The following EMID1 variants were observed in gnomAD, a reference collection of about 807,000 sequenced individuals.
EMID1 encodes EMI domain containing 1.
A neutral mutation model predicts 60.6 loss-of-function variants in EMID1; 40 were observed. That is an observed-to-expected ratio of 0.66 (90% CI 0.51 to 0.86). The LOEUF is 0.86. Among genes scored for constraint, EMID1 ranks in the 40% least tolerant of loss-of-function variants. The pLI, the probability that EMID1 is intolerant of heterozygous loss-of-function variation, is 0.00. For missense variants in EMID1, 585 were observed against 597.1 expected (o/e 0.98, Z 0.21); for synonymous variants, 242 against 231.0 (o/e 1.05, Z -0.43).
chr22:29,219,264 G>A lies in EMID1; in HGVS notation c.319+3634G>A, dbSNP rs1045012007. ...GATGCTGTGAGGCTGGCAGAAGCCAGTCTCAGCCCCAGCTCCTCCTAGATA... is the reference window on the plus strand; with the variant it reads ...GATGCTGTGAGGCTGGCAGAAGCCAATCTCAGCCCCAGCTCCTCCTAGATA... On this transcript the variant is annotated intron_variant, in intron 3 of 14. Coordinates refer to ENST00000334018, the MANE Select transcript of EMID1 (RefSeq NM_133455.4). Among the ~76,000 whole-genome samples the A allele has an allele frequency of 2.2e-4, 33 of 152,270 alleles. 1 individual carries two copies. The highest frequency in any genetic ancestry group is 7.5e-4 in the African/African-American group (31 of 41,544).
chr22:29,243,978 G>T (rs2041238189), intron 13 of EMID1, among the ~76,000 whole-genome samples: 2 of 152,188 alleles, frequency 1.3e-5, no homozygotes, highest in African/African-American at 4.8e-5. Context: ...GAGCCACGTG[G>T]TAAAAAGGAC....
At chr22:29,248,181 A>G (rs2041395805) in intron 13 of EMID1, among the ~76,000 whole-genome samples, 1 of 149,606 alleles carries the variant, frequency 6.7e-6, no homozygotes, top group African/African-American at 2.5e-5. Flanking sequence ...CTGGTCTCAA[A>G]CTCCTGACTT....
intron 1 of EMID1, among the ~76,000 whole-genome samples, chr22:29,214,196 G>C (rs1354992946): frequency 1.3e-5 from 2 of 152,214 alleles, no homozygotes; most frequent in African/African-American, 4.8e-5. Flanking sequence ...CCTCTTGCAT[G>C]CTGGCGGAGG....
At chr22:29,215,730 T>G in intron 3 of EMID1, 100 bp downstream of exon 3, 2 of 907,048 alleles carry the variant, frequency 2.2e-6, no homozygotes, top group South Asian at 1.5e-5. Context: ...TCATGCACAG[T>G]ACCATGCCTG....
intron 3 of EMID1, chr22:29,216,520 G>T: frequency 6.1e-6 from 6 of 985,466 alleles, no homozygotes; most frequent in Non-Finnish European, 7.2e-6. Flanking sequence ...CCCCACAGCA[G>T]CACATGAACG....
chr22:29,228,524 A>G (rs2040612386), intron 5 of EMID1, among the ~76,000 whole-genome samples: 1 of 152,134 alleles, frequency 6.6e-6, no homozygotes, highest in South Asian at 2.1e-4. Flanking sequence ...ACATGCATAC[A>G]CTTTAGTGCC....
At chr22:29,257,772 A>T (rs1201678067) in intron 14 of EMID1, among the ~76,000 whole-genome samples, 1 of 152,254 alleles carries the variant, frequency 6.6e-6, no homozygotes, top group African/African-American at 2.4e-5. Context: ...CCCACGTTCC[A>T]GATGACGCTC....
intron 14 of EMID1, chr22:29,255,188 C>T (rs987317917): frequency 9.4e-6 from 3 of 320,544 alleles, no homozygotes; most frequent in Non-Finnish European, 1.3e-5. Context: ...CTGGCAGTGC[C>T]CTCCCACCCT....
intron 13 of EMID1, among the ~76,000 whole-genome samples, chr22:29,249,345 C>A (rs2041438601): frequency 6.6e-6 from 1 of 152,076 alleles, no homozygotes; most frequent in Admixed American, 6.6e-5. Flanking sequence ...CAGCTCACTA[C>A]AACCTCCGCC....
chr22:29,215,841 C>A (rs548288543), intron 3 of EMID1, among the ~76,000 whole-genome samples: 1 of 152,276 alleles, frequency 6.6e-6, no homozygotes, highest in African/African-American at 2.4e-5. Flanking sequence ...CTCTCAGGAC[C>A]CCCAGAAGAA....
Position 29,205,981 on chromosome 22 carries a change from AG to A in EMID1, c.-56del, listed in dbSNP as rs1282413697. ...TGGCGGCGCGGGCAGGCAGGCGGGG[AG>A]GACAGGCTGGGGGCGGCGACCGCGA... On this transcript the variant is annotated 5_prime_UTR_variant, in exon 1 of 15. Coordinates refer to ENST00000334018, the MANE Select transcript of EMID1 (RefSeq NM_133455.4). The A allele has an allele frequency of 5.6e-6, 6 of 1,062,218 alleles. No homozygotes were observed. The highest frequency in any genetic ancestry group is 5.8e-6 in the Non-Finnish European group (5 of 859,396). The allele number at this position is 1,062,218 out of a possible 1,614,324, so 65.8% of individuals were successfully genotyped here.
chr22:29,254,448 A>G (rs1007287583), intron 14 of EMID1, 161 bp downstream of exon 14: 2 of 673,750 alleles, frequency 3.0e-6, no homozygotes, highest in Non-Finnish European at 5.2e-6. Context: ...CCCTTCCCTC[A>G]ATGACTGGTT....
intron 1 of EMID1, among the ~76,000 whole-genome samples, chr22:29,207,802 C>G (rs2039730952): frequency 6.6e-6 from 1 of 152,222 alleles, no homozygotes; most frequent in African/African-American, 2.4e-5. Context: ...CAGTCCAGAC[C>G]AGTCGATTTC....
In EMID1 at chr22:29,215,055, A is replaced by G. The variant is rs1034025987; in HGVS notation, c.215+16A>G. The G allele has an allele frequency of 3.7e-5, 56 of 1,522,176 alleles. No homozygotes were observed. In the African/African-American group the frequency reaches 4.8e-4, roughly 13 times the overall value. The allele number at this position is 1,522,176 out of a possible 1,614,324, so 94.3% of individuals were successfully genotyped here. A position where few individuals can be genotyped will look rare whatever the true frequency, so the allele number is the denominator to read the frequency against. ...CGGGGAGCAGGTAAATGAGGTGGAG[A>G]AGGAACTGATGGCATTCCAGGTGGA... On this transcript the variant is annotated intron_variant, in intron 2 of 14. Transcript: ENST00000334018.
Position 29,237,818 on chromosome 22 carries a change from A to G in EMID1, c.1074+3469A>G, listed in dbSNP as rs1404919540. ...TCCGTTTCAAAAAAAACAAACAAAA[A>G]AAATCTGAGTTTCTGACACATAATT... On this transcript the variant is annotated intron_variant, in intron 12 of 14. Transcript: ENST00000334018. Among the ~76,000 whole-genome samples the G allele has an allele frequency of 1.4e-5, 2 of 143,650 alleles. 1 individual carries two copies. The highest frequency in any genetic ancestry group is 5.5e-5 in the African/African-American group (2 of 36,180). 94.2% of individuals were successfully genotyped at this position (143,650 alleles called of 152,430 possible).
chr22:29,209,081 TCTC>T (rs1279721963), intron 1 of EMID1, among the ~76,000 whole-genome samples: 3 of 152,188 alleles, frequency 2.0e-5, no homozygotes, highest in East Asian at 1.9e-4. Flanking sequence ...CTTTCTTTCT[TCTC>T]CTTTTCATCA....
chr22:29,210,250 ATTT>A (rs132374), intron 1 of EMID1, among the ~76,000 whole-genome samples: 42 of 126,788 alleles, frequency 3.3e-4, no homozygotes, highest in Non-Finnish European at 3.2e-4. Context: ...CACATGGCAA[ATTT>A]TTTTTTTTTT....
At chr22:29,236,501 G>C (rs1044106477) in intron 12 of EMID1, among the ~76,000 whole-genome samples, 1 of 152,064 alleles carries the variant, frequency 6.6e-6, no homozygotes, top group Non-Finnish European at 1.5e-5. Flanking sequence ...GACCAGCCTG[G>C]CCAACATGGT....
intron 1 of EMID1, among the ~76,000 whole-genome samples, chr22:29,210,553 G>A (rs1479354861): frequency 6.6e-6 from 1 of 151,172 alleles, no homozygotes; most frequent in Non-Finnish European, 1.5e-5. Flanking sequence ...TTTTTTAAGA[G>A]ACAAAGTGTC....
Sources: allele counts gnomAD v4.1 joint callset (sites outside exome capture counted in the v4.1 genomes callset), GRCh38; gene constraint gnomAD v4.1.1; transcripts MANE v1.5; gene names NCBI Gene and HGNC (gene_info 2026-07-23, HGNC 2026-07-21).